The following FHIP1A variants were observed in gnomAD, a reference collection of about 807,000 sequenced individuals.
FHIP1A encodes FHF complex subunit HOOK-interacting protein 1A.
Under a neutral mutation model 88.6 loss-of-function variants are expected in FHIP1A, and 61 were observed. That is an observed-to-expected ratio of 0.69 (90% CI 0.56 to 0.85). The LOEUF is 0.85. Ranked by LOEUF, FHIP1A falls within the 40% of genes least tolerant of loss-of-function variation. The probability of loss-of-function intolerance (pLI) is 0.00; values close to 1 mark genes in which losing one functional copy is unlikely to be tolerated. For missense variants in FHIP1A, 1,154 were observed against 1,273.5 expected (o/e 0.91, Z 1.43); for synonymous variants, 478 against 496.0 (o/e 0.96, Z 0.48).
At chr4:151,468,428 G>T (rs1207209778) in intron 2 of FHIP1A, among the ~76,000 whole-genome samples, 1 of 152,118 alleles carries the variant, frequency 6.6e-6, no homozygotes, top group African/African-American at 2.4e-5. Context: ...AGAACCACTG[G>T]TGTCAGTGAA....
chr4:151,662,201 C>T (rs552165113), intron 13 of FHIP1A, among the ~76,000 whole-genome samples: 9 of 152,224 alleles, frequency 5.9e-5, no homozygotes, highest in Non-Finnish European at 1.3e-4. Context: ...TTTCCACATT[C>T]TGGCATGGAG....
At chr4:151,440,425 T>C (rs1456582851) in intron 1 of FHIP1A, among the ~76,000 whole-genome samples, 1 of 152,144 alleles carries the variant, frequency 6.6e-6, no homozygotes, top group Non-Finnish European at 1.5e-5. Context: ...AACAAATAGA[T>C]TTTCAATTGT....
At chr4:151,465,832 G>A (rs1260891077) in intron 2 of FHIP1A, among the ~76,000 whole-genome samples, 1 of 152,118 alleles carries the variant, frequency 6.6e-6, no homozygotes, top group African/African-American at 2.4e-5. Flanking sequence ...ATCCCTTCAT[G>A]TTACAAACTC....
In FHIP1A at chr4:151,665,843, C is replaced by T. The variant is rs1192470422; in HGVS notation, c.*3089C>T. On this transcript the variant is annotated 3_prime_UTR_variant, in exon 14 of 14. Transcript: ENST00000435205. The stretch of plus-strand genomic sequence containing the variant: ...GTTTGGCATGCTTAAAGATATGGTC[C>T]GAGAGTGTGGACACTTCTCTATGTG... 1.3e-5 allele frequency among the ~76,000 whole-genome samples: 2 copies of T among 152,152 alleles called. No homozygotes were observed. Among genetic ancestry groups the T allele is most frequent in the Non-Finnish European group, 2.9e-5 (2 of 68,028 alleles).
intron 13 of FHIP1A, among the ~76,000 whole-genome samples, chr4:151,661,374 C>T (rs60975708): frequency 6.7e-6 from 1 of 148,504 alleles, no homozygotes; most frequent in Non-Finnish European, 1.5e-5. Context: ...AAGCCTTAAT[C>T]TAAAAGGATA....
chr4:151,546,084 G>T (rs1216910951), intron 3 of FHIP1A, among the ~76,000 whole-genome samples: 1 of 152,150 alleles, frequency 6.6e-6, no homozygotes, highest in Non-Finnish European at 1.5e-5. Flanking sequence ...CTGAGTGTGG[G>T]CATGGAACAT....
At chr4:151,534,302 AAC>A (rs1210931802) in intron 3 of FHIP1A, among the ~76,000 whole-genome samples, 1 of 152,238 alleles carries the variant, frequency 6.6e-6, no homozygotes, top group East Asian at 1.9e-4. Flanking sequence ...TTATAATAGA[AAC>A]ACTAATAGTA....
chr4:151,520,254 C>G (rs1475971398), intron 3 of FHIP1A, among the ~76,000 whole-genome samples: 3 of 152,056 alleles, frequency 2.0e-5, no homozygotes, highest in Non-Finnish European at 4.4e-5. Context: ...AGCCAGAAGT[C>G]AAGGTTAATA....
In FHIP1A at chr4:151,622,973, C is replaced by T. The variant is rs113208810; in HGVS notation, c.979-6729C>T. On this transcript the variant is annotated intron_variant, in intron 7 of 13. Transcript: ENST00000435205. ...ATGAAGCTGTAGGGTACAAGTTATG[C>T]ACACATAGTATAGGAAAGGAGGCTA... 3.1e-3 allele frequency among the ~76,000 whole-genome samples: 471 copies of T among 152,216 alleles called. 2 individuals carry two copies. Among genetic ancestry groups the T allele is most frequent in the African/African-American group, 0.011 (457 of 41,510 alleles).
intron 10 of FHIP1A, among the ~76,000 whole-genome samples, chr4:151,648,479 C>T (rs1289659729): frequency 1.3e-5 from 2 of 151,936 alleles, no homozygotes; most frequent in African/African-American, 2.4e-5. Flanking sequence ...CTTAAAAGCT[C>T]GATTCTGACC....
chr4:151,492,160 G>C (rs1218889808), intron 3 of FHIP1A, among the ~76,000 whole-genome samples: 2 of 152,132 alleles, frequency 1.3e-5, no homozygotes, highest in African/African-American at 4.8e-5. Context: ...GGACTTAACA[G>C]ATATTTACAG....
intron 3 of FHIP1A, among the ~76,000 whole-genome samples, chr4:151,501,212 C>G (rs1308919704): frequency 1.3e-5 from 2 of 152,172 alleles, no homozygotes; most frequent in Non-Finnish European, 2.9e-5. Context: ...GGTTGTGAAT[C>G]ATGCTGCTAT....
At chr4:151,555,050 C>G (rs962664072) in intron 3 of FHIP1A, among the ~76,000 whole-genome samples, 7 of 152,120 alleles carry the variant, frequency 4.6e-5, no homozygotes, top group South Asian at 2.1e-4. Context: ...TGGTTCTCCC[C>G]CCAATCACAG....
chr4:151,459,083 A>G (rs933050540), intron 2 of FHIP1A, among the ~76,000 whole-genome samples: 3 of 152,174 alleles, frequency 2.0e-5, no homozygotes, highest in Non-Finnish European at 4.4e-5. Flanking sequence ...TCGTATGACC[A>G]GCTGCATGTG....
intron 7 of FHIP1A, among the ~76,000 whole-genome samples, chr4:151,609,574 T>C (rs549345453): frequency 8.6e-5 from 12 of 139,204 alleles, no homozygotes; most frequent in African/African-American, 3.0e-4. Context: ...AACATTTGCT[T>C]CTTTTTTTTT....
In FHIP1A at chr4:151,656,815, T is replaced by C; in HGVS notation, c.2786T>C (p.Phe929Ser). 1 of 1,551,682 alleles carries C rather than the reference T, an allele frequency of 6.4e-7. No homozygotes were observed. The highest frequency in any genetic ancestry group is 8.7e-7 in the Non-Finnish European group (1 of 1,146,974). ...IEQFASVERD[F>S]PGLLIQAQQY... ...CAGTTTGCTTCTGTGGAGAGAGACT[T>C]CCCAGGGCTCCTCATTCAAGCTCAG... Residue 929 changes from phenylalanine (F) to serine (S), a missense_variant, in exon 13 of 14, where the codon TTC becomes TCC. Transcript: ENST00000435205. The surrounding 1 kb of genome is among the most constrained non-coding windows in gnomAD (Gnocchi z 4.2).
chr4:151,486,384 A>C (rs886972457), intron 3 of FHIP1A, among the ~76,000 whole-genome samples: 9 of 152,162 alleles, frequency 5.9e-5, no homozygotes, highest in Non-Finnish European at 1.3e-4. Flanking sequence ...TATTTTAGAC[A>C]TTTCAAGAAG....
chr4:151,662,455 A>G (rs1327475388), intron 13 of FHIP1A, 46 bp from the exon 14 acceptor site: 1 of 1,466,286 alleles, frequency 6.8e-7, no homozygotes, highest in Non-Finnish European at 9.1e-7. Flanking sequence ...AGGGTGGATT[A>G]GAAGGCTATG....
At chr4:151,629,084 C>G (rs1030723971) in intron 7 of FHIP1A, among the ~76,000 whole-genome samples, 1 of 152,076 alleles carries the variant, frequency 6.6e-6, no homozygotes, top group Admixed American at 6.5e-5. Flanking sequence ...GCAGTAAGTT[C>G]TTATAGTACT....
Sources: allele counts gnomAD v4.1 joint callset (sites outside exome capture counted in the v4.1 genomes callset), GRCh38; gene constraint gnomAD v4.1.1; non-coding constraint Gnocchi (gnomAD v3.1); transcripts MANE v1.5; gene names NCBI Gene and HGNC (gene_info 2026-07-23, HGNC 2026-07-21).